Variants in PRKCI observed in about 807,000 individuals in gnomAD.
The protein encoded by PRKCI is protein kinase C iota type.
PRKCI carries 43 observed loss-of-function variants against 84.0 expected under a neutral mutation model. That is an observed-to-expected ratio of 0.51 (90% CI 0.40 to 0.66). The LOEUF is 0.66. PRKCI is among the 30% of genes least tolerant of loss of function. The probability of loss-of-function intolerance (pLI) is 0.00; values close to 1 mark genes in which losing one functional copy is unlikely to be tolerated. For synonymous variants in PRKCI, 216 were observed against 234.4 expected, an observed-to-expected ratio of 0.92 and a Z score of 0.72; for missense variants, 459 against 745.6, an observed-to-expected ratio of 0.62 and a Z score of 4.48.
chr3:170,241,302 C>T (rs1266290316), intron 2 of PRKCI, among the ~76,000 whole-genome samples: 1 of 152,204 alleles, frequency 6.6e-6, no homozygotes, highest in African/African-American at 2.4e-5. Flanking sequence ...TCCTGTCTAA[C>T]CACAACCTTG....
At chr3:170,291,171 G>A (rs1734540960) in intron 12 of PRKCI, among the ~76,000 whole-genome samples, 1 of 151,696 alleles carries the variant, frequency 6.6e-6, no homozygotes, top group Admixed American at 6.6e-5. Context: ...AAAATAAACA[G>A]AAGGAAAATA....
chr3:170,278,247 A>G (rs957887218), intron 8 of PRKCI, among the ~76,000 whole-genome samples: 10 of 152,076 alleles, frequency 6.6e-5, no homozygotes, highest in Non-Finnish European at 1.2e-4. Context: ...CCATATTTCA[A>G]GTCTATGTGT....
At chr3:170,228,771 T>C (rs567521683) in intron 1 of PRKCI, among the ~76,000 whole-genome samples, 4 of 152,162 alleles carry the variant, frequency 2.6e-5, no homozygotes, top group Non-Finnish European at 5.9e-5. Context: ...GTTTGTATCA[T>C]GTAGCCATGA....
intron 1 of PRKCI, among the ~76,000 whole-genome samples, chr3:170,229,707 T>A (rs1284544797): frequency 6.6e-6 from 1 of 152,218 alleles, no homozygotes; most frequent in East Asian, 1.9e-4. Flanking sequence ...ATACATATTC[T>A]TGTAAATATG....
chr3:170,284,394 T>C (rs1285717347), intron 11 of PRKCI, 67 bp from the exon 12 acceptor site: 1 of 1,312,912 alleles, frequency 7.6e-7, no homozygotes, highest in Non-Finnish European at 1.0e-6. Context: ...AATTTTTGTG[T>C]TTCCAGTTGT....
intron 8 of PRKCI, among the ~76,000 whole-genome samples, chr3:170,276,558 G>A (rs1453310819): frequency 6.6e-6 from 1 of 151,688 alleles, no homozygotes; most frequent in African/African-American, 2.4e-5. Context: ...TTGAGTTCAA[G>A]CCACCTCAGC....
chr3:170,249,099 C>G (rs968474659), intron 2 of PRKCI, among the ~76,000 whole-genome samples: 1 of 152,054 alleles, frequency 6.6e-6, no homozygotes, highest in African/African-American at 2.4e-5. Context: ...CTGCCCACCT[C>G]GGTCTCCCAA....
At chr3:170,246,245 C>T (rs566912538) in intron 2 of PRKCI, among the ~76,000 whole-genome samples, 27 of 152,274 alleles carry the variant, frequency 1.8e-4, no homozygotes, top group African/African-American at 6.0e-4. Context: ...CTCCGCCTCC[C>T]GTGTTCAAGT....
intron 2 of PRKCI, among the ~76,000 whole-genome samples, chr3:170,241,188 G>T (rs1733121934): frequency 6.6e-6 from 1 of 152,048 alleles, no homozygotes; most frequent in African/African-American, 2.4e-5. Context: ...TTTCTTTGTG[G>T]TGAGGACATT....
chr3:170,301,789 A>G (rs949754), intron 17 of PRKCI, among the ~76,000 whole-genome samples: 1 of 152,106 alleles, frequency 6.6e-6, no homozygotes, highest in Non-Finnish European at 1.5e-5. Context: ...CCTATTCTGT[A>G]TGCCTTGTGA....
chr3:170,293,551 T>C, intron 14 of PRKCI, 43 bp downstream of exon 14: 1 of 1,586,560 alleles, frequency 6.3e-7, no homozygotes, highest in Non-Finnish European at 8.6e-7. Flanking sequence ...GAAAAACCTA[T>C]TCTAGAGTAC....
At position 170,253,318 on chromosome 3, in the gene PRKCI, G is replaced by C. The variant is rs554752662; in HGVS notation, c.224-6651G>C. ...TACATTCCCACCAACAGCATGTGAG[G>C]GTTCCCTTTTCTGCATATCCTTTCC... On this transcript the variant is annotated intron_variant, in intron 2 of 17. Transcript: ENST00000295797. Among the ~76,000 whole-genome samples the C allele has an allele frequency of 6.6e-5, 10 of 152,126 alleles. No homozygotes were observed. The South Asian group carries it at 1.9e-3, about 28-fold the overall frequency.
intron 6 of PRKCI, among the ~76,000 whole-genome samples, chr3:170,272,541 G>A (rs779622823): frequency 3.3e-5 from 5 of 152,112 alleles, no homozygotes; most frequent in Non-Finnish European, 7.4e-5. Flanking sequence ...ATATTTTTGA[G>A]TATTCTTTGG....
At chr3:170,266,105 GTTA>G (rs1233823227) in intron 4 of PRKCI, among the ~76,000 whole-genome samples, 3 of 152,124 alleles carry the variant, frequency 2.0e-5, no homozygotes, top group South Asian at 2.1e-4. Flanking sequence ...ACTGTGGGAT[GTTA>G]TTATTAATGA....
In PRKCI at chr3:170,273,308, AGTC is replaced by A; in HGVS notation, c.615_617del (p.Ser207del). On this transcript the variant is annotated inframe_deletion, in exon 7 of 18. Coordinates refer to ENST00000295797, the MANE Select transcript of PRKCI (RefSeq NM_002740.6). ...TAGGAACCAGTGATGCCCATGGATC[AGTC>A]ATCCATGCATTCTGACCATGCACAG... The A allele has an allele frequency of 6.2e-7, 1 of 1,613,802 alleles. No homozygotes were observed. The highest frequency in any genetic ancestry group is 8.5e-7 in the Non-Finnish European group (1 of 1,179,744).
At chr3:170,245,945 CTTTG>C (rs1733265275) in intron 2 of PRKCI, among the ~76,000 whole-genome samples, 2 of 95,180 alleles carry the variant, frequency 2.1e-5, no homozygotes, top group African/African-American at 4.8e-5. Flanking sequence ...GATGTTATGT[CTTTG>C]TTTTTTTTTT....
intron 1 of PRKCI, among the ~76,000 whole-genome samples, chr3:170,232,611 A>G (rs1392827884): frequency 1.3e-5 from 2 of 151,812 alleles, no homozygotes; most frequent in Non-Finnish European, 2.9e-5. Flanking sequence ...CTGTCGCCCA[A>G]GCTGAAGTCC....
intron 2 of PRKCI, among the ~76,000 whole-genome samples, chr3:170,253,483 G>A (rs1379233450): frequency 6.6e-6 from 1 of 152,116 alleles, no homozygotes; most frequent in African/African-American, 2.4e-5. Context: ...CCGTTTGTAT[G>A]TCTCCTTTTA....
chr3:170,253,587 C>T lies in PRKCI; in HGVS notation c.224-6382C>T, dbSNP rs551513542. Among the ~76,000 whole-genome samples, 20 of 152,088 alleles carry T rather than the reference C, an allele frequency of 1.3e-4. 1 individual carries two copies. Among genetic ancestry groups the T allele is most frequent in the African/African-American group, 3.1e-4 (13 of 41,490 alleles). ...TGGGCAGATCTTGAGGTCAGGAAAT[C>T]GAGACCATCCTGGCTAACATGGTGA... On this transcript the variant is annotated intron_variant, in intron 2 of 17. Coordinates refer to ENST00000295797, the MANE Select transcript of PRKCI (RefSeq NM_002740.6).
Sources: gnomAD v4.1 joint callset for allele counts (sites outside exome capture counted in the v4.1 genomes callset) on GRCh38, gnomAD v4.1.1 for gene constraint, MANE v1.5 for transcripts, NCBI Gene and HGNC (gene_info 2026-07-23, HGNC 2026-07-21) for gene names.